Variants in ORC3 observed in about 807,000 individuals in gnomAD.
ORC3 encodes homolog of latheo, Drosophila.
ORC3 carries 78 observed loss-of-function variants against 100.7 expected under a neutral mutation model. That is an observed-to-expected ratio of 0.77 (90% CI 0.65 to 0.94). The LOEUF (loss-of-function observed/expected upper bound fraction) is 0.94. Among genes scored for constraint, ORC3 ranks in the 40% least tolerant of loss-of-function variants. ORC3 has a pLI of 0.00. For synonymous variants in ORC3, 295 were observed against 289.3 expected, an observed-to-expected ratio of 1.02 and a Z score of -0.20; for missense variants, 789 against 823.9, an observed-to-expected ratio of 0.96 and a Z score of 0.52.
At chr6:87,657,888 A>C in intron 15 of ORC3, 33 bp from the exon 16 acceptor site, 1 of 1,200,484 alleles carries the variant, frequency 8.3e-7, no homozygotes, top group Non-Finnish European at 1.2e-6. Flanking sequence ...CTGTCTGAGG[A>C]TCACCAGAAA....
At chr6:87,628,409 G>T (rs771092555) in intron 11 of ORC3, among the ~76,000 whole-genome samples, 2 of 152,128 alleles carry the variant, frequency 1.3e-5, no homozygotes, top group Non-Finnish European at 2.9e-5. Flanking sequence ...TACTAAGGAG[G>T]GACATTAGAA....
intron 5 of ORC3, among the ~76,000 whole-genome samples, chr6:87,607,121 C>G (rs1386256464): frequency 6.6e-6 from 1 of 152,034 alleles, no homozygotes; most frequent in African/African-American, 2.4e-5. Context: ...CTTCTGTGAC[C>G]TTTTTATTAT....
At chr6:87,667,732 T>G (rs147920987), downstream of ORC3, among the ~76,000 whole-genome samples, 60 of 151,916 alleles carry the variant, frequency 3.9e-4, no homozygotes, top group African/African-American at 1.4e-3. Flanking sequence ...ATCGAGACCA[T>G]CCTGGCCAAC....
intron 9 of ORC3, among the ~76,000 whole-genome samples, chr6:87,620,253 A>G (rs943972849): frequency 6.6e-6 from 1 of 152,206 alleles, no homozygotes; most frequent in East Asian, 1.9e-4. Context: ...TGGGATAAGC[A>G]TTATCACTTT....
At chr6:87,593,961 C>T (rs1225618655) in intron 1 of ORC3, among the ~76,000 whole-genome samples, 2 of 152,378 alleles carry the variant, frequency 1.3e-5, no homozygotes, top group Middle Eastern at 3.4e-3. Flanking sequence ...TCCCAGAGTG[C>T]TGGGATTACA....
chr6:87,609,560 CT>C lies in ORC3; in HGVS notation c.713+343del, dbSNP rs549492022. The C allele has an allele frequency of 7.6e-3, 1,163 of 152,704 alleles. 2 individuals carry two copies. The highest frequency in any genetic ancestry group is 0.022 in the South Asian group (115 of 5,258). 9.5% of individuals were successfully genotyped at this position (152,704 alleles called of 1,614,324 possible). A position where few individuals can be genotyped will look rare whatever the true frequency, so the allele number is the denominator to read the frequency against. ...TTGAGTTTGTTGTTTTTGTTTTTTT[CT>C]TTTTTTTTTTTGAGATGGAGCTTTG... is the stretch of plus-strand genomic sequence containing the variant. On this transcript the variant is annotated intron_variant, in intron 7 of 19. Transcript: ENST00000392844.
intron 11 of ORC3, among the ~76,000 whole-genome samples, chr6:87,623,959 T>G (rs1779711959): frequency 6.6e-6 from 1 of 152,214 alleles, no homozygotes; most frequent in African/African-American, 2.4e-5. Flanking sequence ...TTTACATATT[T>G]TCTTAGCATT....
intron 3 of ORC3, 31 bp from the exon 4 acceptor site, chr6:87,603,353 A>G: frequency 8.2e-7 from 1 of 1,218,040 alleles, no homozygotes; most frequent in Non-Finnish European, 1.1e-6. Flanking sequence ...ATTATTTCTA[A>G]TAATAATAAG....
At chr6:87,590,225 C>CTTAG (rs1776667904) in intron 1 of ORC3, 33 bp downstream of exon 1, 2 of 1,608,422 alleles carry the variant, frequency 1.2e-6, no homozygotes, top group African/African-American at 1.3e-5. Context: ...TGTGGCTCTA[C>CTTAG]CGCTGCCTCA....
At chr6:87,672,967 A>G in the ORC3 span, among the ~76,000 whole-genome samples, 1 of 152,116 alleles carries the variant, frequency 6.6e-6, no homozygotes, top group Admixed American at 6.6e-5. Flanking sequence ...GATACTTATT[A>G]CAAGCAATTT....
intron 1 of ORC3, 70 bp downstream of exon 1, chr6:87,590,262 G>C: frequency 6.6e-7 from 1 of 1,514,970 alleles, no homozygotes. Context: ...GGATGAAGCC[G>C]AGGTTACGTA....
chr6:87,612,557 C>T (rs1778856074), intron 8 of ORC3, among the ~76,000 whole-genome samples: 1 of 151,994 alleles, frequency 6.6e-6, no homozygotes, highest in African/African-American at 2.4e-5. Context: ...TAAATTTTTA[C>T]AGAATTTGTA....
At chr6:87,602,691 T>C (rs1472008628) in intron 3 of ORC3, among the ~76,000 whole-genome samples, 2 of 151,850 alleles carry the variant, frequency 1.3e-5, no homozygotes, top group Non-Finnish European at 2.9e-5. Flanking sequence ...TGGATTGTTA[T>C]ATCCTCCTGA....
the ORC3 span, among the ~76,000 whole-genome samples, chr6:87,676,596 A>AACACACGCACGCGCGCGCAC: frequency 4.1e-3 from 586 of 142,144 alleles, 3 homozygotes; most frequent in African/African-American, 0.014. Context: ...CTCTACTAAA[A>AACACACGCACGCGCGCGCAC]ACACACACAC....
intron 9 of ORC3, among the ~76,000 whole-genome samples, chr6:87,618,304 G>C (rs545149810): frequency 6.6e-6 from 1 of 152,160 alleles, no homozygotes; most frequent in Non-Finnish European, 1.5e-5. Context: ...CAGCTACTTG[G>C]GGGGCTGAGG....
intron 2 of ORC3, chr6:87,594,667 AT>A: frequency 1.4e-6 from 1 of 706,058 alleles, no homozygotes. Context: ...TTTAAAAGAG[AT>A]TGTCTTTTTG....
intron 11 of ORC3, among the ~76,000 whole-genome samples, chr6:87,628,133 A>G (rs1780057090): frequency 6.6e-6 from 1 of 152,228 alleles, no homozygotes; most frequent in South Asian, 2.1e-4. Flanking sequence ...CAGAAAACCA[A>G]GCACCACATG....
intron 12 of ORC3, among the ~76,000 whole-genome samples, 186 bp downstream of exon 12, chr6:87,635,147 C>G (rs1767716269): frequency 1.3e-5 from 2 of 152,068 alleles, no homozygotes; most frequent in Non-Finnish European, 2.9e-5. Context: ...TTCAGATGGC[C>G]ACAGCTAGAA....
rs747686139 is a variant in ORC3, at chr6:87,645,984, C to CTTTTTT, written c.1383-7127_1383-7122dup. On this transcript the variant is annotated intron_variant, in intron 13 of 19. Coordinates refer to ENST00000392844, the MANE Select transcript of ORC3 (RefSeq NM_012381.4). ...GTGAAATAATTTTTTCTTTTTTTTT[C>CTTTTTT]TTTTTTTTTTCTTTTTTTTTGAGGC... Among the ~76,000 whole-genome samples the CTTTTTT allele has an allele frequency of 6.3e-5, 8 of 127,012 alleles. 1 individual carries two copies. The highest frequency in any genetic ancestry group is 8.1e-5 in the Admixed American group (1 of 12,270). The allele number at this position is 127,012 out of a possible 152,430, so 83.3% of individuals were successfully genotyped here.
Sources: allele counts gnomAD v4.1 joint callset (sites outside exome capture counted in the v4.1 genomes callset), GRCh38; gene constraint gnomAD v4.1.1; transcripts MANE v1.5; gene names NCBI Gene and HGNC (gene_info 2026-07-23, HGNC 2026-07-21).